Variants in SACM1L observed in about 807,000 individuals in gnomAD.
SACM1L encodes the protein phosphatidylinositol-3-phosphatase SAC1.
A neutral mutation model predicts 89.5 loss-of-function variants in SACM1L; 32 were observed. That is an observed-to-expected ratio of 0.36 (90% CI 0.27 to 0.48). SACM1L has a LOEUF of 0.48. Among genes scored for constraint, SACM1L ranks in the 20% least tolerant of loss-of-function variants. The pLI, the probability that SACM1L is intolerant of heterozygous loss-of-function variation, is 0.99. For synonymous variants in SACM1L, 213 were observed against 232.8 expected (o/e 0.92, Z 0.77); for missense variants, 543 against 708.5 (o/e 0.77, Z 2.65).
At chr3:45,715,666 C>T (rs1405249746) in intron 7 of SACM1L, among the ~76,000 whole-genome samples, 1 of 151,482 alleles carries the variant, frequency 6.6e-6, no homozygotes, top group Non-Finnish European at 1.5e-5. Flanking sequence ...GCCAGCTACT[C>T]GGGAGACTGA....
At chr3:45,720,659 A>C (rs1291672702) in intron 8 of SACM1L, among the ~76,000 whole-genome samples, 4 of 152,250 alleles carry the variant, frequency 2.6e-5, no homozygotes, top group South Asian at 2.1e-4. Flanking sequence ...ACTGTCTCTC[A>C]GTCTGACTCT....
rs1698101301 is a variant in SACM1L, at chr3:45,695,531, G to T, written c.32+6034G>T. Among the ~76,000 whole-genome samples, 3 of 152,174 alleles carry T rather than the reference G, an allele frequency of 2.0e-5. No homozygotes were observed. The South Asian group carries it at 6.2e-4, about 32-fold the overall frequency. Reference sequence around the variant, plus strand: ...CTGCCTCGGCCTCCCAAAGTGTTGGGATTACAGGCATGAGCCACTGCACCC... The same window carrying T: ...CTGCCTCGGCCTCCCAAAGTGTTGGTATTACAGGCATGAGCCACTGCACCC... On this transcript the variant is annotated intron_variant, in intron 1 of 19. Transcript: ENST00000389061.
chr3:45,709,944 A>G lies in SACM1L; in HGVS notation c.483+297A>G, dbSNP rs111711765. ...TCTTTCAGAATTTGTATTTCTGCAT[A>G]AGTATTACCAGGCTACCAAGTGCTA... is the stretch of plus-strand genomic sequence containing the variant. On this transcript the variant is annotated intron_variant, in intron 5 of 19. Coordinates refer to ENST00000389061, the MANE Select transcript of SACM1L (RefSeq NM_014016.5). 3.4e-3 allele frequency among the ~76,000 whole-genome samples: 521 copies of G among 152,338 alleles called. 4 individuals carry two copies. The highest frequency in any genetic ancestry group is 0.011 in the African/African-American group (464 of 41,578).
rs1257456174 is a variant in SACM1L, at chr3:45,710,235, CTG to C, written c.483+590_483+591del. On this transcript the variant is annotated intron_variant, in intron 5 of 19. Coordinates refer to ENST00000389061, the MANE Select transcript of SACM1L (RefSeq NM_014016.5). ...TTTTTCTTTGAGACAGAGTCTCACT[CTG>C]TCACCTAGGCTGTAGTGCAGTGGTG... Among the ~76,000 whole-genome samples, 3 of 149,918 alleles carry C rather than the reference CTG, an allele frequency of 2.0e-5. No homozygotes were observed. In the East Asian group the frequency reaches 5.9e-4, roughly 29 times the overall value.
Position 45,705,127 on chromosome 3 carries a change from T to G in SACM1L, c.131-8T>G, listed in dbSNP as rs760649163. The G allele has an allele frequency of 6.3e-7, 1 of 1,585,264 alleles. No individual in the cohort carries two copies. The highest frequency in any genetic ancestry group is 8.6e-7 in the Non-Finnish European group (1 of 1,161,156). On this transcript the variant is annotated splice_polypyrimidine_tract_variant and splice_region_variant and intron_variant, in intron 2 of 19. Transcript: ENST00000389061. Reference sequence around the variant, plus strand: ...ATGTGATTTTTCTTTCTTTCCTTTCTTTTAAAGTCAAGAAAGATGTTCCTC... The same window carrying G: ...ATGTGATTTTTCTTTCTTTCCTTTCGTTTAAAGTCAAGAAAGATGTTCCTC...
intron 8 of SACM1L, 151 bp from the exon 9 acceptor site, chr3:45,721,849 A>G (rs1698794848): frequency 3.4e-6 from 2 of 585,204 alleles, no homozygotes; most frequent in Non-Finnish European, 5.9e-6. Flanking sequence ...CTGATCATGT[A>G]TAATGAATTT....
At position 45,719,516 on chromosome 3, in the gene SACM1L, A is replaced by G. The variant is rs78799947; in HGVS notation, c.594A>G (p.Ser198=). The change falls in exon 8 of 20, where the codon TCA becomes TCG. Residue 198 remains serine, a synonymous_variant. Coordinates refer to ENST00000389061, the MANE Select transcript of SACM1L (RefSeq NM_014016.5). ...PVLHGFITMH[S]CSINGKYFDW... is the part of the protein sequence containing the mutation. ...GTGGTTAAGTTATTACCATGCATTC[A>G]TGTTCTATTAATGGAAAATACTTTG... 8.0e-5 allele frequency: 129 copies of G among 1,602,894 alleles called. No individual in the cohort carries two copies. Among genetic ancestry groups the G allele is most frequent in the Non-Finnish European group, 5.1e-6 (6 of 1,171,794 alleles).
chr3:45,702,184 AATT>A (rs1056762127), intron 1 of SACM1L, among the ~76,000 whole-genome samples: 4 of 148,930 alleles, frequency 2.7e-5, no homozygotes, highest in African/African-American at 1.0e-4. Flanking sequence ...ATATTTGGGT[AATT>A]AAGGATTGAT....
intron 11 of SACM1L, among the ~76,000 whole-genome samples, chr3:45,729,635 G>A (rs937867460): frequency 1.3e-5 from 2 of 152,108 alleles, no homozygotes; most frequent in African/African-American, 2.4e-5. Flanking sequence ...ACTGTCTTCA[G>A]CCTCCAAGAT....
chr3:45,709,046 A>G (rs1453910747), intron 4 of SACM1L, among the ~76,000 whole-genome samples: 1 of 152,170 alleles, frequency 6.6e-6, no homozygotes, highest in African/African-American at 2.4e-5. Flanking sequence ...TGATGTTAGT[A>G]TCTTGTTATT....
chr3:45,738,183 G>A (rs989621902), intron 16 of SACM1L, among the ~76,000 whole-genome samples: 2 of 152,232 alleles, frequency 1.3e-5, no homozygotes, highest in African/African-American at 4.8e-5. Flanking sequence ...ACTGCACTGA[G>A]TAATGAGGAC....
rs561195692 is a variant in SACM1L at position 45,726,833 on chromosome 3, C to T, written c.921+3290C>T. Among the ~76,000 whole-genome samples the T allele has an allele frequency of 2.6e-4, 39 of 151,102 alleles. 1 individual carries two copies. The highest frequency in any genetic ancestry group is 2.0e-3 in the Admixed American group (30 of 15,166). On this transcript the variant is annotated intron_variant, in intron 11 of 19. Transcript: ENST00000389061. ...TCTTTTTTAATGTGTGCATTTACAG[C>T]GACAAATTTTCCTCAGCACTGCTTT...
chr3:45,741,752 G>A (rs571640396), intron 19 of SACM1L, among the ~76,000 whole-genome samples: 38 of 152,298 alleles, frequency 2.5e-4, no homozygotes, highest in South Asian at 1.2e-3. Context: ...AAAGAGCCAG[G>A]TAGTAAATAT....
rs1698819242 is a variant in SACM1L at position 45,722,903 on chromosome 3, G to A, written c.800G>A (p.Arg267Lys). Reference sequence around the variant, plus strand: ...TCAATACCTGTTTTCTGGTCCCAAAGACCAAACCTCAAGTACAAACCACTG... The same window carrying A: ...TCAATACCTGTTTTCTGGTCCCAAAAACCAAACCTCAAGTACAAACCACTG... ...RGSIPVFWSQRPNLKYKPLPQ... is the reference protein window; with the variant it reads ...RGSIPVFWSQKPNLKYKPLPQ... The change falls in exon 10 of 20, where the codon AGA (arginine) becomes AAA (lysine). Residue 267 changes from arginine to lysine, a missense_variant. This residue lies in a region of SACM1L where 370 missense variants were observed against 527.6 expected (regional missense o/e 0.70). Transcript: ENST00000389061. 1.2e-6 allele frequency: 2 copies of A among 1,613,510 alleles called. No homozygotes were observed. Among genetic ancestry groups the A allele is most frequent in the African/African-American group, 1.3e-5 (1 of 74,820 alleles).
intron 3 of SACM1L, among the ~76,000 whole-genome samples, chr3:45,706,068 C>T (rs1212539403): frequency 2.0e-5 from 3 of 152,196 alleles, no homozygotes; most frequent in African/African-American, 7.2e-5. Flanking sequence ...TAGTAAATTA[C>T]TGCAGTACAG....
At chr3:45,732,545 C>G (rs1699099532) in intron 13 of SACM1L, among the ~76,000 whole-genome samples, 1 of 152,098 alleles carries the variant, frequency 6.6e-6, no homozygotes, top group Non-Finnish European at 1.5e-5. Context: ...TCTGTTTTAT[C>G]ATAACATAGT....
intron 7 of SACM1L, among the ~76,000 whole-genome samples, chr3:45,718,418 G>C (rs1037190704): frequency 2.0e-5 from 3 of 152,158 alleles, no homozygotes; most frequent in Non-Finnish European, 2.9e-5. Context: ...CAGTAAGGGA[G>C]CCACAGGGAA....
chr3:45,714,908 C>G (rs538327891), intron 7 of SACM1L, among the ~76,000 whole-genome samples: 16 of 152,290 alleles, frequency 1.1e-4, no homozygotes, highest in South Asian at 2.1e-4. Context: ...CAGTCGGTGA[C>G]AGACCACATA....
intron 1 of SACM1L, among the ~76,000 whole-genome samples, chr3:45,699,581 GC>G (rs1470615069): frequency 1.3e-5 from 2 of 152,162 alleles, no homozygotes; most frequent in Non-Finnish European, 2.9e-5. Flanking sequence ...AGGCTGGAAT[GC>G]AATGGCATGA....
Sources: gnomAD v4.1 joint callset for allele counts (sites outside exome capture counted in the v4.1 genomes callset) on GRCh38, gnomAD v4.1.1 for gene constraint, gnomAD v4.1.1 regional missense constraint, MANE v1.5 for transcripts, NCBI Gene and HGNC (gene_info 2026-07-23, HGNC 2026-07-21) for gene names.